The following MAST1 variants were observed in gnomAD, a reference collection of about 807,000 sequenced individuals.
MAST1 encodes microtubule-associated serine/threonine-protein kinase 1.
Under a neutral mutation model 124.6 loss-of-function variants are expected in MAST1, and 40 were observed. That is an observed-to-expected ratio of 0.32 (90% confidence interval 0.25 to 0.42). The LOEUF is 0.42. MAST1 is among the 10% of genes least tolerant of loss of function. The pLI is 1.00. For missense variants in MAST1, 1,558 were observed against 2,181.9 expected (o/e 0.71, Z 5.70); for synonymous variants, 938 against 939.4 (o/e 1.00, Z 0.03).
intron 2 of MAST1, among the ~76,000 whole-genome samples, chr19:12,840,759 AAGG>A (rs1281326003): frequency 1.3e-5 from 2 of 151,688 alleles, no homozygotes; most frequent in African/African-American, 2.4e-5. Flanking sequence ...GACGGACAGA[AAGG>A]AGGAGTCGTA....
At chr19:12,848,101 C>T in intron 7 of MAST1, 44 bp downstream of exon 7, 2 of 1,556,270 alleles carry the variant, frequency 1.3e-6, no homozygotes, top group Non-Finnish European at 1.8e-6. Flanking sequence ...CTCAGCACCG[C>T]CAGATTGTGC....
chr19:12,854,894 C>T (rs1182013555), intron 10 of MAST1, among the ~76,000 whole-genome samples: 1 of 152,100 alleles, frequency 6.6e-6, no homozygotes, highest in Non-Finnish European at 1.5e-5. Flanking sequence ...AGAGTCCTAC[C>T]CCAATGGCCA....
intron 4 of MAST1, among the ~76,000 whole-genome samples, chr19:12,845,897 T>A (rs1969888458): frequency 6.6e-6 from 1 of 151,818 alleles, no homozygotes; most frequent in Non-Finnish European, 1.5e-5. Flanking sequence ...GACCTCAGTT[T>A]TTCTGCCCGC....
At chr19:12,850,613 G>C (rs934815617) in intron 7 of MAST1, among the ~76,000 whole-genome samples, 3 of 152,108 alleles carry the variant, frequency 2.0e-5, no homozygotes, top group African/African-American at 7.2e-5. Flanking sequence ...GAAACCATTA[G>C]ACATTTTCAA....
Position 12,874,496 on chromosome 19 carries a change from GCTGTGGTGC to G in MAST1, c.4342_4350del (p.Val1448_Pro1450del). The G allele has an allele frequency of 6.4e-7, 1 of 1,554,204 alleles. No individual in the cohort carries two copies. The highest frequency in any genetic ancestry group is 8.7e-7 in the Non-Finnish European group (1 of 1,152,686). ...AGAGCCTGCGCGGCCCGGGGCTAAG[GCTGTGGTGC>G]CTCAGCCTCTGGGCGCGGACTCCAA... On this transcript the variant is annotated inframe_deletion, in exon 26 of 26. Transcript: ENST00000251472. This position sits in a 1 kb window ranked among gnomAD's most constrained non-coding sequence, Gnocchi z 6.6.
intron 10 of MAST1, among the ~76,000 whole-genome samples, chr19:12,853,295 A>G (rs1053471000): frequency 2.0e-5 from 3 of 149,882 alleles, no homozygotes; most frequent in Non-Finnish European, 4.4e-5. Context: ...AAAATGAACA[A>G]TTCGGGGCCG....
Position 12,868,030 on chromosome 19 carries a change from C to A in MAST1, c.2566+53C>A. The A allele has an allele frequency of 2.0e-6, 3 of 1,485,796 alleles. No individual in the cohort carries two copies. The South Asian group carries it at 4.2e-5, about 21-fold the overall frequency. 92.0% of individuals were successfully genotyped at this position (1,485,796 alleles called of 1,614,324 possible). A position where few individuals can be genotyped will look rare whatever the true frequency, so the allele number is the denominator to read the frequency against. On this transcript the variant is annotated intron_variant, in intron 20 of 25. Coordinates refer to ENST00000251472, the MANE Select transcript of MAST1 (RefSeq NM_014975.3). ...CAATCTTCCCCAATGTCCTACTGGT[C>A]ATATAGTGAGCATCCCACGAGCCTG... is the stretch of plus-strand genomic sequence containing the variant.
rs761048478 is a variant in MAST1, at chr19:12,873,916, C to G, written c.3759C>G (p.Ala1253=). 1.2e-5 allele frequency: 19 copies of G among 1,584,264 alleles called. No individual in the cohort carries two copies. The highest frequency in any genetic ancestry group is 1.0e-5 in the Non-Finnish European group (12 of 1,173,414). The change falls in exon 26 of 26, where the codon GCC becomes GCG. Residue 1253 remains alanine (A), a synonymous_variant. Transcript: ENST00000251472. The stretch of plus-strand genomic sequence containing the variant: ...TCGTGCGCCCGCGCCCCAAGAGTGC[C>G]GAGCCCCCTCGCTCGCCGCTCCTCA... ...PPVVRPRPKS[A]EPPRSPLLKR...
In MAST1 at chr19:12,866,761, A is replaced by G; in HGVS notation, c.2138A>G (p.Lys713Arg). ...QFSSCSPRFS[K>R]VYSSMEQLSQ... ...TCTTCCTGCTCTCCGCGCTTCAGCA[A>G]GGTGGGCCAAGTCTGGGTGTGGGAC... The change falls in exon 18 of 26, where the codon AAG becomes AGG. Residue 713 changes from lysine to arginine, a missense_variant and splice_region_variant. Lys to Arg is a conservative substitution (Grantham distance 26). Around this residue, in one of 10 missense-constraint regions of MAST1, gnomAD observed 287 missense variants for 308.0 expected, o/e 0.93. Coordinates refer to ENST00000251472, the MANE Select transcript of MAST1 (RefSeq NM_014975.3). The surrounding 1 kb of genome is among the most constrained non-coding windows in gnomAD (Gnocchi z 5.2). 3.7e-6 allele frequency: 6 copies of G among 1,612,132 alleles called. No homozygotes were observed. The highest frequency in any genetic ancestry group is 3.4e-6 in the Non-Finnish European group (4 of 1,179,036).
At position 12,843,700 on chromosome 19, in the gene MAST1, G is replaced by A. The variant is rs1969858496; in HGVS notation, c.327+93G>A. On this transcript the variant is annotated intron_variant, in intron 4 of 25. Transcript: ENST00000251472. This position sits in a 1 kb window ranked among gnomAD's most constrained non-coding sequence, Gnocchi z 4.9. The stretch of plus-strand genomic sequence containing the variant: ...CACACCCAGGCCAGCAGTCCAGGCT[G>A]GGCTTGATGACAGTTTAGGGCCAGG... 1.8e-6 allele frequency: 2 copies of A among 1,132,448 alleles called. No homozygotes were observed. The highest frequency in any genetic ancestry group is 2.6e-6 in the Non-Finnish European group (2 of 780,840). 70.1% of individuals were successfully genotyped at this position (1,132,448 alleles called of 1,614,324 possible).
rs1270535036 is a variant in MAST1 at position 12,852,208 on chromosome 19, A to G, written c.970A>G (p.Ile324Val). ...HLVKTDIPRY[I>V]IRQLGLTRDP... ...TGTGAAGACGGACATCCCCCGCTAC[A>G]TCATCCGCCAGCTGGGCCTCACCCG... Residue 324 changes from isoleucine (I) to valine (V), a missense_variant, in exon 9 of 26, where the codon ATC (isoleucine) becomes GTC (valine). Physicochemically the swap from Ile to Val is conservative, Grantham distance 29 (BLOSUM62 3). Coordinates refer to ENST00000251472, the MANE Select transcript of MAST1 (RefSeq NM_014975.3). 6.2e-7 allele frequency: 1 copy of G among 1,614,092 alleles called. No individual in the cohort carries two copies. Among genetic ancestry groups the G allele is most frequent in the Non-Finnish European group, 8.5e-7 (1 of 1,180,000 alleles).
chr19:12,869,763 G>A (rs1599591425), intron 22 of MAST1, among the ~76,000 whole-genome samples: 1 of 151,966 alleles, frequency 6.6e-6, no homozygotes, highest in African/African-American at 2.4e-5. Flanking sequence ...TGCAAAATGG[G>A]GAGAATAGGC....
chr19:12,870,794 C>A (rs1229536513), intron 22 of MAST1, 30 bp from the exon 23 acceptor site: 28 of 1,573,090 alleles, frequency 1.8e-5, no homozygotes, highest in Non-Finnish European at 2.4e-5. Flanking sequence ...ATCCCACTAA[C>A]CCTGTCCCTA....
At chr19:12,872,985 T>C (rs1327146710) in intron 24 of MAST1, among the ~76,000 whole-genome samples, 1 of 151,446 alleles carries the variant, frequency 6.6e-6, no homozygotes, top group Non-Finnish European at 1.5e-5. Flanking sequence ...GGGCGGGGCC[T>C]GAAGTAGGAG....
chr19:12,861,999 C>CTT (rs55931366), intron 12 of MAST1, among the ~76,000 whole-genome samples: 15 of 122,990 alleles, frequency 1.2e-4, no homozygotes, highest in Non-Finnish European at 2.0e-4. Context: ...CCGTGCCTGC[C>CTT]TTTTTTTTTT....
At chr19:12,868,234 G>A (rs577732224) in intron 20 of MAST1, among the ~76,000 whole-genome samples, 1 of 149,102 alleles carries the variant, frequency 6.7e-6, no homozygotes, top group Non-Finnish European at 1.5e-5. Flanking sequence ...TCAGCCTCCC[G>A]AGTAGCTGGG....
At chr19:12,859,567 A>G (rs964533412) in intron 12 of MAST1, among the ~76,000 whole-genome samples, 4 of 151,380 alleles carry the variant, frequency 2.6e-5, no homozygotes, top group Non-Finnish European at 5.9e-5. Context: ...TTGGGAGGCC[A>G]AGGTGGGGAG....
At position 12,866,541 on chromosome 19, in the gene MAST1, G is replaced by A. The variant is rs1380066578; in HGVS notation, c.2030-112G>A. The A allele has an allele frequency of 1.4e-6, 1 of 702,784 alleles. No individual in the cohort carries two copies. Among genetic ancestry groups the A allele is most frequent in the Non-Finnish European group, 2.5e-6 (1 of 394,840 alleles). 43.5% of individuals were successfully genotyped at this position (702,784 alleles called of 1,614,324 possible). ...AAATACACTAATGAGGCAGGGGCGT[G>A]GCCTGACCTGAAGACTTGTAAACCC... On this transcript the variant is annotated intron_variant, in intron 17 of 25. Transcript: ENST00000251472. The surrounding 1 kb of genome is among the most constrained non-coding windows in gnomAD (Gnocchi z 5.2).
At chr19:12,851,718 T>A (rs1969961931) in intron 7 of MAST1, among the ~76,000 whole-genome samples, 1 of 152,140 alleles carries the variant, frequency 6.6e-6, no homozygotes, top group African/African-American at 2.4e-5. Context: ...ACTTTTGACC[T>A]CAAGTGATCC....
Sources: allele counts gnomAD v4.1 joint callset (sites outside exome capture counted in the v4.1 genomes callset), GRCh38; gene constraint gnomAD v4.1.1; regional missense constraint gnomAD v4.1.1; non-coding constraint Gnocchi (gnomAD v3.1); transcripts MANE v1.5; gene names NCBI Gene and HGNC (gene_info 2026-07-23, HGNC 2026-07-21).